Variants in MON2 observed in about 807,000 individuals in gnomAD.
The protein encoded by MON2 is protein MON2 homolog.
A neutral mutation model predicts 208.6 loss-of-function variants in MON2; 84 were observed. That is an observed-to-expected ratio of 0.40 (90% CI 0.34 to 0.48). The LOEUF is 0.48. Ranked by LOEUF, MON2 falls within the 20% of genes least tolerant of loss-of-function variation. MON2 has a pLI of 0.59. For synonymous variants in MON2, 660 were observed against 694.0 expected (o/e 0.95, Z 0.77); for missense variants, 1,611 against 2,015.4 (o/e 0.80, Z 3.84).
chr12:62,502,435 G>A (rs1344031256), intron 7 of MON2, among the ~76,000 whole-genome samples: 4 of 150,678 alleles, frequency 2.7e-5, no homozygotes, highest in Admixed American at 6.6e-5. Flanking sequence ...AGGAAAGAAA[G>A]ATATGGAGAA....
chr12:62,554,497 CT>C (rs10714822), intron 24 of MON2, among the ~76,000 whole-genome samples: 9,925 of 152,056 alleles, frequency 0.065, 410 homozygotes, highest in South Asian at 0.16. Flanking sequence ...TACAGTTGGT[CT>C]TTTTTTGTGA....
intron 3 of MON2, 62 bp from the exon 4 acceptor site, chr12:62,494,954 A>G (rs2070389690): frequency 1.6e-6 from 2 of 1,273,234 alleles, no homozygotes; most frequent in Admixed American, 2.1e-5. Flanking sequence ...ACCTTCTCTT[A>G]TTTAGGGACA....
chr12:62,505,714 C>T (rs926187002), intron 7 of MON2, among the ~76,000 whole-genome samples: 2 of 147,620 alleles, frequency 1.4e-5, no homozygotes, highest in African/African-American at 5.1e-5. Flanking sequence ...GACCTTGTCT[C>T]TACGAAAAAT....
At chr12:62,521,701 G>A (rs2072048931) in intron 8 of MON2, among the ~76,000 whole-genome samples, 3 of 152,032 alleles carry the variant, frequency 2.0e-5, no homozygotes, top group Admixed American at 2.0e-4. Context: ...CACTCATTAG[G>A]TATATTAGAA....
intron 4 of MON2, among the ~76,000 whole-genome samples, chr12:62,496,027 A>G (rs2070463636): frequency 6.6e-6 from 1 of 152,158 alleles, no homozygotes; most frequent in Non-Finnish European, 1.5e-5. Context: ...TTATAGTCTA[A>G]GGAATTTTTT....
chr12:62,588,959 T>C (rs2075306679), intron 34 of MON2: 1 of 1,249,804 alleles, frequency 8.0e-7, no homozygotes, highest in Non-Finnish European at 1.1e-6. Context: ...CTTTTTTATG[T>C]GTACTTGTCT....
chr12:62,524,479 T>C (rs1355537620), intron 8 of MON2, 36 bp from the exon 9 acceptor site: 1 of 1,514,098 alleles, frequency 6.6e-7, no homozygotes, highest in African/African-American at 1.4e-5. Flanking sequence ...TTCTCTTTGA[T>C]TCAAAGAAAT....
Position 62,493,947 on chromosome 12 carries a change from C to T in MON2, c.208C>T (p.Pro70Ser), listed in dbSNP as rs1447713354. Residue 70 changes from proline (P) to serine (S), a missense_variant, in exon 3 of 35, where the codon CCT (proline) becomes TCT (serine). Pro to Ser is a moderately conservative substitution (Grantham distance 74). Coordinates refer to ENST00000393630, the MANE Select transcript of MON2 (RefSeq NM_015026.3). ...AGAGAACAGCTCAGAGGTTGTACAG[C>T]CTTTTTTAATGGGTTGTGGAACCAA... Reference protein sequence around the residue: ...LKENSSEVVQPFLMGCGTKEP... With the variant: ...LKENSSEVVQSFLMGCGTKEP... 1 of 1,610,132 alleles carries T rather than the reference C, an allele frequency of 6.2e-7. No individual in the cohort carries two copies. The highest frequency in any genetic ancestry group is 1.3e-5 in the African/African-American group (1 of 74,838).
chr12:62,495,562 C>A (rs979381319), intron 4 of MON2, among the ~76,000 whole-genome samples: 4 of 151,136 alleles, frequency 2.6e-5, no homozygotes, highest in African/African-American at 9.7e-5. Context: ...TAGTGGCGGG[C>A]GCCTGTAGTC....
chr12:62,566,208 C>T, intron 28 of MON2, 114 bp from the exon 29 acceptor site: 1 of 1,395,280 alleles, frequency 7.2e-7, no homozygotes. Flanking sequence ...GTAATATAAT[C>T]TGACCTAAAA....
At chr12:62,527,997 T>C (rs1007861049) in intron 11 of MON2, among the ~76,000 whole-genome samples, 2 of 152,220 alleles carry the variant, frequency 1.3e-5, no homozygotes, top group African/African-American at 2.4e-5. Context: ...ATTTTGAGTA[T>C]AGCACTTGAT....
intron 24 of MON2, among the ~76,000 whole-genome samples, chr12:62,554,392 A>C (rs1282180848): frequency 6.6e-6 from 1 of 152,162 alleles, no homozygotes; most frequent in Non-Finnish European, 1.5e-5. Context: ...GTGAGTCCTG[A>C]GAATTTGAAT....
At chr12:62,544,810 C>A (rs1294035187) in intron 20 of MON2, 88 bp from the exon 21 acceptor site, 1 of 1,552,492 alleles carries the variant, frequency 6.4e-7, no homozygotes, top group South Asian at 1.2e-5. Flanking sequence ...TCTTCCAACC[C>A]TTATTGAACA....
At chr12:62,534,520 A>AT in intron 12 of MON2, among the ~76,000 whole-genome samples, 1 of 58,020 alleles carries the variant, frequency 1.7e-5, no homozygotes, top group Middle Eastern at 9.3e-3. Context: ...CTCCATCGCA[A>AT]AAAAAAAAAA....
At chr12:62,580,031 A>C (rs2074946167) in intron 31 of MON2, among the ~76,000 whole-genome samples, 1 of 152,218 alleles carries the variant, frequency 6.6e-6, no homozygotes, top group Non-Finnish European at 1.5e-5. Flanking sequence ...ATTTGCAGTT[A>C]TCATGCTGAA....
At chr12:62,591,236 A>T (rs756882125) in intron 34 of MON2, among the ~76,000 whole-genome samples, 1 of 152,222 alleles carries the variant, frequency 6.6e-6, no homozygotes, top group Non-Finnish European at 1.5e-5. Context: ...TACAAATGAA[A>T]TGTGATGTGA....
chr12:62,521,057 G>C (rs1383645679), intron 8 of MON2, among the ~76,000 whole-genome samples: 1 of 151,362 alleles, frequency 6.6e-6, no homozygotes, highest in African/African-American at 2.4e-5. Context: ...CCAGGTTGGA[G>C]TGCAGTGGCG....
rs1300169759 is a variant in MON2 at position 62,585,320 on chromosome 12, G to A, written c.4726G>A (p.Glu1576Lys). ...AGCAGAGATTGATATTCGTTTGAGA[G>A]AGGAATTTTCTAAAATGTGTTTTGA... ...TEAEIDIRLREEFSKMCFETL... is the reference protein window; with the variant it reads ...TEAEIDIRLRKEFSKMCFETL... Residue 1576 changes from glutamate (E) to lysine (K), a missense_variant, in exon 33 of 35, where the codon GAG becomes AAG. Transcript: ENST00000393630. 1 of 1,613,428 alleles carries A rather than the reference G, an allele frequency of 6.2e-7. No individual in the cohort carries two copies. Among genetic ancestry groups the A allele is most frequent in the Non-Finnish European group, 8.5e-7 (1 of 1,179,730 alleles).
At chr12:62,581,779 A>G (rs1008368860) in intron 32 of MON2, among the ~76,000 whole-genome samples, 1 of 152,134 alleles carries the variant, frequency 6.6e-6, no homozygotes, top group African/African-American at 2.4e-5. Flanking sequence ...GCAGTGAGCC[A>G]GGATCACACT....
Sources: gnomAD v4.1 joint callset for allele counts (sites outside exome capture counted in the v4.1 genomes callset) on GRCh38, gnomAD v4.1.1 for gene constraint, MANE v1.5 for transcripts, NCBI Gene and HGNC (gene_info 2026-07-23, HGNC 2026-07-21) for gene names.